ERBB4: variants seen among roughly 807,000 people sequenced by gnomAD.
ERBB4 encodes receptor tyrosine-protein kinase erbB-4.
ERBB4 carries 42 observed loss-of-function variants against 158.0 expected under a neutral mutation model. The ratio of observed to expected loss-of-function variants is 0.27; its 90% CI spans 0.21 to 0.34. The LOEUF is 0.34. ERBB4 is among the 10% of genes least tolerant of loss of function. The probability of loss-of-function intolerance (pLI) is 1.00; values close to 1 mark genes in which losing one functional copy is unlikely to be tolerated. For synonymous variants in ERBB4, 583 were observed against 558.7 expected, an observed-to-expected ratio of 1.04 and a Z score of -0.61; for missense variants, 1,333 against 1,624.1, an observed-to-expected ratio of 0.82 and a Z score of 3.08.
In ERBB4 at chr2:212,443,815, T is replaced by C. The variant is rs191508430; in HGVS notation, c.82+94634A>G. ...AGAATTTTGGAGCAAGGCCCTGCCATGTTCTGCAGATAAGTATTCTCCTTT... is the reference window on the plus strand; with the variant it reads ...AGAATTTTGGAGCAAGGCCCTGCCACGTTCTGCAGATAAGTATTCTCCTTT... On this transcript the variant is annotated intron_variant, in intron 1 of 27. Transcript: ENST00000342788. Among the ~76,000 whole-genome samples the C allele has an allele frequency of 1.6e-3, 244 of 152,314 alleles. 1 individual carries two copies. The highest frequency in any genetic ancestry group is 2.4e-3 in the Non-Finnish European group (163 of 68,004).
At chr2:212,019,758 TA>T (rs368132533) in intron 2 of ERBB4, among the ~76,000 whole-genome samples, 16 of 106,256 alleles carry the variant, frequency 1.5e-4, no homozygotes, top group Admixed American at 2.2e-4. Context: ...CAACATTCTG[TA>T]AAAAAAAAAA....
intron 1 of ERBB4, among the ~76,000 whole-genome samples, chr2:212,326,105 G>A (rs1467266441): frequency 6.7e-6 from 1 of 150,286 alleles, no homozygotes; most frequent in Admixed American, 6.6e-5. Flanking sequence ...ACCCCAAATT[G>A]GGATGCTTTT....
At chr2:212,466,640 A>G (rs933304501) in intron 1 of ERBB4, among the ~76,000 whole-genome samples, 1 of 152,222 alleles carries the variant, frequency 6.6e-6, no homozygotes, top group African/African-American at 2.4e-5. Context: ...TGTAAGTCCA[A>G]TAAACCTCTT....
intron 19 of ERBB4, among the ~76,000 whole-genome samples, chr2:211,569,836 C>G (rs2067661596): frequency 6.6e-6 from 1 of 152,132 alleles, no homozygotes; most frequent in Admixed American, 6.6e-5. Context: ...GTCTTAAATC[C>G]TTAAGAAGAC....
chr2:212,521,357 C>A (rs944406784), intron 1 of ERBB4, among the ~76,000 whole-genome samples: 1 of 151,666 alleles, frequency 6.6e-6, no homozygotes, highest in African/African-American at 2.4e-5. Flanking sequence ...CAGAGAGAGC[C>A]AAATTCTTCC....
chr2:211,879,512 C>T (rs1257924818), intron 3 of ERBB4, among the ~76,000 whole-genome samples: 2 of 152,112 alleles, frequency 1.3e-5, no homozygotes, highest in Non-Finnish European at 2.9e-5. Context: ...GCCAGTTTGG[C>T]CAGGGTGTGG....
intron 25 of ERBB4, among the ~76,000 whole-genome samples, chr2:211,395,509 T>G (rs996353694): frequency 3.3e-5 from 5 of 152,070 alleles, no homozygotes; most frequent in African/African-American, 1.2e-4. Flanking sequence ...AACAAACCTA[T>G]TTATTTTTTA....
At chr2:211,745,630 G>A (rs2106194838) in intron 5 of ERBB4, among the ~76,000 whole-genome samples, 1 of 150,484 alleles carries the variant, frequency 6.6e-6, no homozygotes, top group Middle Eastern at 3.4e-3. Flanking sequence ...GGCTATTATT[G>A]ATTGGGTTTT....
chr2:212,330,851 A>C (rs895994883), intron 1 of ERBB4, among the ~76,000 whole-genome samples: 1 of 151,120 alleles, frequency 6.6e-6, no homozygotes, highest in African/African-American at 2.4e-5. Flanking sequence ...AGGATTTCCT[A>C]CTGGGTAGAT....
At chr2:211,719,594 G>A (rs923609350) in intron 7 of ERBB4, among the ~76,000 whole-genome samples, 3 of 152,194 alleles carry the variant, frequency 2.0e-5, no homozygotes, top group African/African-American at 7.2e-5. Context: ...GGTGGGTCAC[G>A]TCTGTAATCC....
chr2:212,162,567 A>G (rs2081233538), intron 1 of ERBB4, among the ~76,000 whole-genome samples: 1 of 151,874 alleles, frequency 6.6e-6, no homozygotes, highest in South Asian at 2.1e-4. Context: ...TATAAATTTT[A>G]CGTCAAAAGA....
At chr2:211,626,925 A>AAAAAAT (rs1263906351) in intron 17 of ERBB4, among the ~76,000 whole-genome samples, 1 of 140,336 alleles carries the variant, frequency 7.1e-6, no homozygotes, top group African/African-American at 2.7e-5. Context: ...ACTCCATCTC[A>AAAAAAT]AAAAATAAAA....
At chr2:212,311,339 G>A (rs904713357) in intron 1 of ERBB4, among the ~76,000 whole-genome samples, 2 of 150,602 alleles carry the variant, frequency 1.3e-5, no homozygotes, top group African/African-American at 4.8e-5. Flanking sequence ...AGAAACAAAG[G>A]AGTTACACAA....
At chr2:211,593,060 A>T (rs1239559099) in intron 19 of ERBB4, among the ~76,000 whole-genome samples, 2 of 151,138 alleles carry the variant, frequency 1.3e-5, no homozygotes, top group Non-Finnish European at 2.9e-5. Flanking sequence ...GGCTTGCTCC[A>T]TCTTGGCTCT....
At chr2:212,119,507 T>C (rs911196585) in intron 2 of ERBB4, among the ~76,000 whole-genome samples, 5 of 152,168 alleles carry the variant, frequency 3.3e-5, no homozygotes, top group African/African-American at 1.2e-4. Context: ...CATTACTTAC[T>C]ACATTTTGCC....
At chr2:212,529,303 C>T (rs748483536) in intron 1 of ERBB4, among the ~76,000 whole-genome samples, 1 of 152,102 alleles carries the variant, frequency 6.6e-6, no homozygotes, top group Non-Finnish European at 1.5e-5. Context: ...AAAATATTTA[C>T]ATGTTTAAAA....
At chr2:211,836,729 C>G (rs2077351630) in intron 3 of ERBB4, among the ~76,000 whole-genome samples, 1 of 152,058 alleles carries the variant, frequency 6.6e-6, no homozygotes, top group African/African-American at 2.4e-5. Flanking sequence ...AGTTTCAGGT[C>G]TGCTGTGTTA....
At chr2:212,141,403 T>C (rs1355077439) in intron 1 of ERBB4, among the ~76,000 whole-genome samples, 1 of 151,990 alleles carries the variant, frequency 6.6e-6, no homozygotes, top group Non-Finnish European at 1.5e-5. Flanking sequence ...TTCCATACTG[T>C]GTAAAGAAAA....
In ERBB4 at chr2:212,393,962, T is replaced by C. The variant is rs142171809; in HGVS notation, c.82+144487A>G. 5.9e-4 allele frequency among the ~76,000 whole-genome samples: 90 copies of C among 152,258 alleles called. 1 individual carries two copies. Among genetic ancestry groups the C allele is most frequent in the African/African-American group, 2.1e-3 (86 of 41,570 alleles). ...CTGTTAAGTAAGGCAACCTTGAAAG[T>C]CAAATGCTAAATATGGCAAAATTTC... On this transcript the variant is annotated intron_variant, in intron 1 of 27. Transcript: ENST00000342788.
Sources: allele counts gnomAD v4.1 joint callset (sites outside exome capture counted in the v4.1 genomes callset), GRCh38; gene constraint gnomAD v4.1.1; transcripts MANE v1.5; gene names NCBI Gene and HGNC (gene_info 2026-07-23, HGNC 2026-07-21).